The following TOPAZ1 variants were observed in gnomAD, a reference collection of about 807,000 sequenced individuals.
The protein encoded by TOPAZ1 is protein TOPAZ1.
Under a neutral mutation model 172.2 loss-of-function variants are expected in TOPAZ1, and 66 were observed. That is an observed-to-expected ratio of 0.38 (90% CI 0.31 to 0.47). The LOEUF (loss-of-function observed/expected upper bound fraction) is 0.47. Ranked by LOEUF, TOPAZ1 falls within the 20% of genes least tolerant of loss-of-function variation. The pLI is 0.99. For synonymous variants in TOPAZ1, 681 were observed against 683.9 expected (o/e 1.00, Z 0.07); for missense variants, 1,822 against 1,972.4 (o/e 0.92, Z 1.44).
chr3:44,306,416 A>G lies in TOPAZ1; in HGVS notation c.4130A>G (p.Gln1377Arg). Residue 1377 changes from glutamine (Q) to arginine (R), a missense_variant, in exon 15 of 20, where the codon CAG becomes CGG. Gln to Arg is a conservative substitution (Grantham distance 43, BLOSUM62 1). Coordinates refer to ENST00000309765, the MANE Select transcript of TOPAZ1 (RefSeq NM_001145030.2). ...ATGTACTTCTATCACAAGCTGTTGC[A>G]GTGGTCCAAGGTACTTCATTAAGTT... is the stretch of plus-strand genomic sequence containing the variant. ...SAMYFYHKLL[Q>R]WSKGRKVLEK... 1 of 1,540,236 alleles carries G rather than the reference A, an allele frequency of 6.5e-7. No homozygotes were observed. Among genetic ancestry groups the G allele is most frequent in the East Asian group, 2.4e-5 (1 of 40,854 alleles).
chr3:44,262,675 C>T (rs369617834), intron 5 of TOPAZ1, among the ~76,000 whole-genome samples, 192 bp downstream of exon 5: 1 of 151,982 alleles, frequency 6.6e-6, no homozygotes, highest in East Asian at 1.9e-4. Flanking sequence ...AAAGCTGTCA[C>T]TAAGTTTTTT....
chr3:44,257,462 T>G (rs1699725669), intron 4 of TOPAZ1, among the ~76,000 whole-genome samples: 1 of 103,122 alleles, frequency 9.7e-6, no homozygotes, highest in African/African-American at 3.9e-5. Flanking sequence ...ATTTTATATA[T>G]ATATATAGTG....
At chr3:44,304,786 G>A (rs1700315982) in intron 13 of TOPAZ1, among the ~76,000 whole-genome samples, 1 of 152,198 alleles carries the variant, frequency 6.6e-6, no homozygotes, top group Admixed American at 6.5e-5. Flanking sequence ...GTAAAATAAT[G>A]CATTGCCATG....
intron 16 of TOPAZ1, among the ~76,000 whole-genome samples, chr3:44,313,594 G>A (rs1700420315): frequency 6.7e-6 from 1 of 149,836 alleles, no homozygotes; most frequent in African/African-American, 2.5e-5. Context: ...TCCAGCCTGG[G>A]GCAACAAAGC....
At chr3:44,256,776 T>C (rs1699708605) in intron 4 of TOPAZ1, among the ~76,000 whole-genome samples, 1 of 152,194 alleles carries the variant, frequency 6.6e-6, no homozygotes, top group South Asian at 2.1e-4. Context: ...TCAGTAATAT[T>C]TGCTCTTAAG....
chr3:44,335,325 T>G (rs778449597), downstream of TOPAZ1, among the ~76,000 whole-genome samples: 6 of 152,090 alleles, frequency 3.9e-5, no homozygotes, highest in Non-Finnish European at 5.9e-5. Context: ...CTAAAGTTTT[T>G]TTTTAAATAT....
chr3:44,241,995 C>G lies in TOPAZ1; in HGVS notation c.-59C>G. The G allele has an allele frequency of 1.4e-6, 2 of 1,479,674 alleles. No homozygotes were observed. The highest frequency in any genetic ancestry group is 1.8e-6 in the Non-Finnish European group (2 of 1,101,728). 91.7% of individuals were successfully genotyped at this position (1,479,674 alleles called of 1,614,324 possible). On this transcript the variant is annotated 5_prime_UTR_variant, in exon 1 of 20. Coordinates refer to ENST00000309765, the MANE Select transcript of TOPAZ1 (RefSeq NM_001145030.2). Reference sequence around the variant, plus strand: ...CCTCCAGGCGGGAGCAGCGTTTGCACCGCGGTGGGTTCCTGCGAGCTGGTG... The same window carrying G: ...CCTCCAGGCGGGAGCAGCGTTTGCAGCGCGGTGGGTTCCTGCGAGCTGGTG...
chr3:44,253,967 G>C (rs902486617), intron 2 of TOPAZ1, among the ~76,000 whole-genome samples: 1 of 152,170 alleles, frequency 6.6e-6, no homozygotes, highest in Non-Finnish European at 1.5e-5. Context: ...TTTTGTCTAA[G>C]TGATTAAAAA....
At chr3:44,313,617 CA>C (rs63007860) in intron 16 of TOPAZ1, among the ~76,000 whole-genome samples, 28,994 of 99,478 alleles carry the variant, frequency 0.29, 2,511 homozygotes, top group Middle Eastern at 0.4. Context: ...GACTCTGTCT[CA>C]AAAAAAAAAA....
At chr3:44,324,510 G>A (rs1700575214) in intron 18 of TOPAZ1, among the ~76,000 whole-genome samples, 2 of 152,010 alleles carry the variant, frequency 1.3e-5, no homozygotes, top group African/African-American at 4.8e-5. Context: ...CCATCAAAAG[G>A]TGTTTATATG....
In TOPAZ1 at chr3:44,289,123, G is replaced by A. The variant is rs368592624; in HGVS notation, c.3681+1284G>A. On this transcript the variant is annotated intron_variant, in intron 11 of 19. Coordinates refer to ENST00000309765, the MANE Select transcript of TOPAZ1 (RefSeq NM_001145030.2). ...CCTGGTCTTTGAGCAGTGTTAAAGG[G>A]CAGAGTTTTTAAGGCATGTCAGTTA... is the stretch of plus-strand genomic sequence containing the variant. Among the ~76,000 whole-genome samples, 4 of 152,264 alleles carry A rather than the reference G, an allele frequency of 2.6e-5. No homozygotes were observed. In the East Asian group the frequency reaches 5.8e-4, roughly 22 times the overall value.
At position 44,285,813 on chromosome 3, in the gene TOPAZ1, C is replaced by T. The variant is rs190198497; in HGVS notation, c.3437-1576C>T. 3.4e-3 allele frequency among the ~76,000 whole-genome samples: 523 copies of T among 151,754 alleles called. 3 individuals are homozygous for T. The highest frequency in any genetic ancestry group is 0.019 in the South Asian group (93 of 4,792). ...CTCGAACTCTTGACCTCAGGTGATC[C>T]GCCCACAGCCTCCCAAAGTGCTGGA... On this transcript the variant is annotated intron_variant, in intron 9 of 19. Transcript: ENST00000309765.
chr3:44,285,893 A>G (rs944456410), intron 9 of TOPAZ1, among the ~76,000 whole-genome samples: 1 of 151,816 alleles, frequency 6.6e-6, no homozygotes, highest in Non-Finnish European at 1.5e-5. Context: ...TTCAATGCAG[A>G]TAATATATTA....
chr3:44,258,403 C>T (rs1052743528), intron 4 of TOPAZ1, among the ~76,000 whole-genome samples: 10 of 152,290 alleles, frequency 6.6e-5, no homozygotes, highest in Admixed American at 5.9e-4. Context: ...TCCGTCACCA[C>T]GTGGATCCCT....
At chr3:44,300,419 C>T (rs1005732185) in intron 12 of TOPAZ1, among the ~76,000 whole-genome samples, 6 of 126,976 alleles carry the variant, frequency 4.7e-5, no homozygotes, top group African/African-American at 7.9e-5. Context: ...CAGAGTGAGA[C>T]GTCTTAAAAA....
chr3:44,247,743 A>G (rs1272459531), intron 2 of TOPAZ1, among the ~76,000 whole-genome samples: 3 of 152,118 alleles, frequency 2.0e-5, no homozygotes, highest in African/African-American at 7.2e-5. Context: ...TATGCCTCCC[A>G]GGTTCAAGCA....
intron 4 of TOPAZ1, among the ~76,000 whole-genome samples, chr3:44,257,772 A>T (rs1299526599): frequency 6.6e-6 from 1 of 152,062 alleles, no homozygotes; most frequent in Admixed American, 6.5e-5. Context: ...GATATTGATA[A>T]AATAAGTTTG....
chr3:44,242,501 C>T, intron 1 of TOPAZ1, 102 bp downstream of exon 1: 3 of 1,226,206 alleles, frequency 2.4e-6, no homozygotes, highest in Non-Finnish European at 3.5e-6. Context: ...ATGGTTATTT[C>T]TGATGCACAT....
intron 2 of TOPAZ1, among the ~76,000 whole-genome samples, chr3:44,246,801 G>C (rs978466530): frequency 6.6e-5 from 10 of 152,160 alleles, no homozygotes; most frequent in African/African-American, 2.4e-4. Context: ...TGTAAAAAGG[G>C]AAAGTACTTG....
Sources: allele counts gnomAD v4.1 joint callset (sites outside exome capture counted in the v4.1 genomes callset), GRCh38; gene constraint gnomAD v4.1.1; transcripts MANE v1.5; gene names NCBI Gene and HGNC (gene_info 2026-07-23, HGNC 2026-07-21).